Variants in ADAMTSL1 observed in about 807,000 individuals in gnomAD.
ADAMTSL1 encodes the protein ADAMTS-like protein 1.
A neutral mutation model predicts 201.8 loss-of-function variants in ADAMTSL1; 126 were observed. The observed-to-expected ratio is 0.62, with a 90% CI of 0.54 to 0.72. The LOEUF is 0.72. ADAMTSL1 is among the 30% of genes least tolerant of loss of function. ADAMTSL1 has a pLI of 0.00. For synonymous variants in ADAMTSL1, 1,121 were observed against 903.4 expected, an observed-to-expected ratio of 1.24 and a Z score of -4.32; for missense variants, 2,679 against 2,277.8, an observed-to-expected ratio of 1.18 and a Z score of -3.59.
intron 3 of ADAMTSL1, among the ~76,000 whole-genome samples, chr9:18,564,889 A>G (rs889102755): frequency 1.3e-5 from 2 of 152,208 alleles, no homozygotes; most frequent in African/African-American, 4.8e-5. Flanking sequence ...AGAATTTAAG[A>G]CTCTAAAATG....
intron 2 of ADAMTSL1, among the ~76,000 whole-genome samples, chr9:18,528,179 AT>A (rs1048227871): frequency 7.9e-5 from 12 of 151,988 alleles, no homozygotes; most frequent in Non-Finnish European, 1.5e-4. Flanking sequence ...CACCTGGCCC[AT>A]TTTTTTATTT....
rs550579781 is a variant in ADAMTSL1 at position 18,410,738 on chromosome 9, G to T, written c.208-94091G>T. On this transcript the variant is annotated intron_variant, in intron 2 of 29. Coordinates refer to the ADAMTSL1 transcript ENST00000680146. ...TTGCATTCCTTTGGGTATATACCCA[G>T]TAATGGGATTGCTGGGTCAAATGGT... 3.9e-5 allele frequency among the ~76,000 whole-genome samples: 6 copies of T among 152,148 alleles called. No homozygotes were observed. In the South Asian group the frequency reaches 1.2e-3, roughly 32 times the overall value.
At chr9:18,286,464 T>A in intron 2 of ADAMTSL1, among the ~76,000 whole-genome samples, 1 of 152,038 alleles carries the variant, frequency 6.6e-6, no homozygotes, top group African/African-American at 2.4e-5. Context: ...AATTAGAGGG[T>A]AGAGAGACAG....
intron 2 of ADAMTSL1, among the ~76,000 whole-genome samples, chr9:18,307,935 A>C (rs997263643): frequency 6.6e-6 from 1 of 152,164 alleles, no homozygotes; most frequent in South Asian, 2.1e-4. Context: ...AATTGACCAC[A>C]TAATTGGAAG....
In ADAMTSL1 at chr9:18,064,954, ATTTTTTTTTTTTT is replaced by A. The variant is rs563021690; in HGVS notation, c.88-98886_88-98874del. Among the ~76,000 whole-genome samples the A allele has an allele frequency of 2.0e-3, 140 of 69,014 alleles. 1 individual carries two copies. The highest frequency in any genetic ancestry group is 4.6e-3 in the African/African-American group (81 of 17,582). 45.3% of individuals were successfully genotyped at this position (69,014 alleles called of 152,430 possible). ...ATTCAGAAAGCAGTATTTGCTAAAG[ATTTTTTTTTTTTT>A]TTTTTTTTTTTTTTTTTTTTTGGTG... On this transcript the variant is annotated intron_variant, in intron 1 of 29. Transcript: ENST00000680146.
rs565758054 is a variant in ADAMTSL1, at chr9:18,047,731, G to A, written c.88-116131G>A. On this transcript the variant is annotated intron_variant, in intron 1 of 29. Transcript: ENST00000680146. ...GCTGGTATATAAACAGACATTGAAC[G>A]CAGGCAAAGAAGAATAAAAAAATGA... is the stretch of plus-strand genomic sequence containing the variant. Among the ~76,000 whole-genome samples, 76 of 152,242 alleles carry A rather than the reference G, an allele frequency of 5.0e-4. 1 individual carries two copies. In the South Asian group the frequency reaches 0.014, roughly 29 times the overall value.
chr9:18,733,192 T>C (rs1255155436), intron 15 of ADAMTSL1, among the ~76,000 whole-genome samples: 1 of 152,172 alleles, frequency 6.6e-6, no homozygotes, highest in Non-Finnish European at 1.5e-5. Flanking sequence ...AAGAACCAAC[T>C]CTAGTCTCAT....
intron 2 of ADAMTSL1, among the ~76,000 whole-genome samples, chr9:18,233,187 G>T (rs546049516): frequency 6.6e-4 from 100 of 152,296 alleles, no homozygotes; most frequent in African/African-American, 2.3e-3. Context: ...GGAAGGTTCA[G>T]TAATCCAGAG....
chr9:18,294,586 T>G (rs1228733117), intron 2 of ADAMTSL1, among the ~76,000 whole-genome samples: 4 of 152,160 alleles, frequency 2.6e-5, no homozygotes, highest in African/African-American at 9.7e-5. Context: ...GTGGTGATAT[T>G]GGAAGACTGG....
At chr9:18,130,010 G>A (rs1293198554) in intron 1 of ADAMTSL1, among the ~76,000 whole-genome samples, 2 of 152,182 alleles carry the variant, frequency 1.3e-5, no homozygotes, top group African/African-American at 4.8e-5. Context: ...TCTTGGTGAG[G>A]CAGCATGTTC....
chr9:18,678,359 T>TA, intron 10 of ADAMTSL1, among the ~76,000 whole-genome samples: 1 of 152,310 alleles, frequency 6.6e-6, no homozygotes. Context: ...CAGCTTTTGT[T>TA]ACGCTTTCTT....
At chr9:18,075,227 G>T (rs944581593) in intron 1 of ADAMTSL1, among the ~76,000 whole-genome samples, 1 of 152,028 alleles carries the variant, frequency 6.6e-6, no homozygotes, top group African/African-American at 2.4e-5. Context: ...TTCTTACTTA[G>T]TCTAATAAGA....
intron 2 of ADAMTSL1, among the ~76,000 whole-genome samples, chr9:18,372,339 A>T (rs974997908): frequency 6.6e-6 from 1 of 152,198 alleles, no homozygotes; most frequent in African/African-American, 2.4e-5. Context: ...AGGTAATCGC[A>T]TGCCGTGACT....
chr9:18,167,156 T>C (rs959204940), intron 2 of ADAMTSL1, among the ~76,000 whole-genome samples: 1 of 151,950 alleles, frequency 6.6e-6, no homozygotes, highest in Non-Finnish European at 1.5e-5. Context: ...ATTGAAATAG[T>C]CAAGACACAG....
chr9:18,348,900 C>T (rs1040168660), intron 2 of ADAMTSL1, among the ~76,000 whole-genome samples: 1 of 152,056 alleles, frequency 6.6e-6, no homozygotes, highest in African/African-American at 2.4e-5. Flanking sequence ...TAACAACTAC[C>T]ATTTATTGAA....
intron 2 of ADAMTSL1, among the ~76,000 whole-genome samples, chr9:18,200,059 C>T (rs1408766444): frequency 6.6e-6 from 1 of 151,898 alleles, no homozygotes; most frequent in African/African-American, 2.4e-5. Flanking sequence ...ATTATTACTC[C>T]TGTTGAGAGA....
chr9:18,272,388 A>G lies in ADAMTSL1; in HGVS notation c.207+108407A>G, dbSNP rs914518372. On this transcript the variant is annotated intron_variant, in intron 2 of 29. Coordinates refer to the ADAMTSL1 transcript ENST00000680146. ...TCCCTATTCAACAAATGGTGCTGGGAAACCTGGCTAGCTATACGTAGAAAG... is the reference window on the plus strand; with the variant it reads ...TCCCTATTCAACAAATGGTGCTGGGGAACCTGGCTAGCTATACGTAGAAAG... 3.9e-5 allele frequency among the ~76,000 whole-genome samples: 6 copies of G among 152,238 alleles called. 1 individual carries two copies. Among genetic ancestry groups the G allele is most frequent in the Admixed American group, 3.3e-4 (5 of 15,286 alleles).
intron 3 of ADAMTSL1, among the ~76,000 whole-genome samples, chr9:18,552,442 T>C (rs906929758): frequency 2.0e-5 from 3 of 151,866 alleles, no homozygotes; most frequent in African/African-American, 7.2e-5. Context: ...AAATGGTCTT[T>C]TTATTCCATT....
intron 23 of ADAMTSL1, among the ~76,000 whole-genome samples, chr9:18,848,296 A>G (rs961232205): frequency 6.6e-6 from 1 of 152,254 alleles, no homozygotes; most frequent in Non-Finnish European, 1.5e-5. Context: ...AATGATTCTC[A>G]GGGATTGAGG....
Sources: gnomAD v4.1 joint callset for allele counts (sites outside exome capture counted in the v4.1 genomes callset) on GRCh38, gnomAD v4.1.1 for gene constraint, MANE v1.5 for transcripts, NCBI Gene and HGNC (gene_info 2026-07-23, HGNC 2026-07-21) for gene names.